Variants in FSAF1 observed in about 807,000 individuals in gnomAD.
FSAF1 encodes uncharacterized protein C1orf131.
chr1:231,226,948 A>G, the FSAF1 span: 1 of 1,613,318 alleles, frequency 6.2e-7, no homozygotes, highest in East Asian at 2.2e-5. Context: ...TTGTCTAGTG[A>G]TGAAAGGTAG....
At chr1:231,238,817 G>A in the FSAF1 span, 10 of 1,537,346 alleles carry the variant, frequency 6.5e-6, no homozygotes, top group Admixed American at 1.7e-5. Flanking sequence ...TACAATACCA[G>A]GGGGTTCACC....
At chr1:231,238,880 G>A in the FSAF1 span, 1 of 1,613,086 alleles carries the variant, frequency 6.2e-7, no homozygotes, top group South Asian at 1.1e-5. Flanking sequence ...TTATGATCTG[G>A]CGTCAATTTT....
chr1:231,227,543 G>A, the FSAF1 span, among the ~76,000 whole-genome samples: 1 of 151,654 alleles, frequency 6.6e-6, no homozygotes, highest in African/African-American at 2.4e-5. Flanking sequence ...CCAAAGTGCT[G>A]GGATTATAGG....
the FSAF1 span, among the ~76,000 whole-genome samples, chr1:231,235,302 T>G: frequency 5.9e-5 from 9 of 151,990 alleles, no homozygotes; most frequent in Non-Finnish European, 1.0e-4. Flanking sequence ...ATCGAGACCA[T>G]CCTGGCCAAC....
chr1:231,239,845 T>TAA, the FSAF1 span, among the ~76,000 whole-genome samples: 12 of 152,354 alleles, frequency 7.9e-5, no homozygotes, highest in East Asian at 5.8e-4. Flanking sequence ...AACTAAACTT[T>TAA]GGCATTAAGG....
At chr1:231,231,702 G>C in the FSAF1 span, among the ~76,000 whole-genome samples, 3 of 152,162 alleles carry the variant, frequency 2.0e-5, no homozygotes, top group East Asian at 5.8e-4. Flanking sequence ...CTGTATGATA[G>C]CTACTATGAG....
chr1:231,226,719 GGACA>G, the FSAF1 span: 1 of 1,572,454 alleles, frequency 6.4e-7, no homozygotes, highest in Non-Finnish European at 8.8e-7. Flanking sequence ...GTTGAATAAA[GGACA>G]GACCATCACA....
chr1:231,239,136 G>C, the FSAF1 span: 1 of 1,602,914 alleles, frequency 6.2e-7, no homozygotes, highest in Non-Finnish European at 8.5e-7. Flanking sequence ...CTCTCTTCTT[G>C]TTTTCCCTTT....
the FSAF1 span, among the ~76,000 whole-genome samples, chr1:231,228,410 C>G: frequency 4.9e-4 from 74 of 152,044 alleles, no homozygotes; most frequent in African/African-American, 1.6e-3. Flanking sequence ...ACCAGCTTGA[C>G]GACCATGGTG....
the FSAF1 span, among the ~76,000 whole-genome samples, chr1:231,240,141 A>G: frequency 6.6e-6 from 1 of 152,220 alleles, no homozygotes; most frequent in Non-Finnish European, 1.5e-5. The surrounding 1 kb of genome is among the most constrained non-coding windows in gnomAD (Gnocchi z 4.1). Context: ...ACTTGTTTCT[A>G]CATCTGCAAT....
At chr1:231,227,086 A>C in the FSAF1 span, 2 of 1,613,014 alleles carry the variant, frequency 1.2e-6, no homozygotes, top group Non-Finnish European at 8.5e-7. Context: ...CACAAAGCAT[A>C]ATCAGACGCA....
the FSAF1 span, chr1:231,237,864 T>G: frequency 6.6e-6 from 1 of 152,246 alleles, no homozygotes; most frequent in Non-Finnish European, 1.5e-5. Context: ...AAAGCCATTA[T>G]GATATTCTTG....
chr1:231,228,237 T>G, the FSAF1 span, among the ~76,000 whole-genome samples: 46,812 of 152,058 alleles, frequency 0.31, 7,355 homozygotes, highest in Admixed American at 0.39. Flanking sequence ...ATCCCCATAC[T>G]TACCATCGTA....
At chr1:231,234,530 G>C in the FSAF1 span, among the ~76,000 whole-genome samples, 3 of 152,280 alleles carry the variant, frequency 2.0e-5, no homozygotes, top group South Asian at 6.2e-4. The surrounding 1 kb of genome is among the most constrained non-coding windows in gnomAD (Gnocchi z 4.0). Context: ...CTGGACCACT[G>C]CAACAAACCC....
the FSAF1 span, chr1:231,240,874 T>C: frequency 4.2e-6 from 3 of 714,642 alleles, no homozygotes; most frequent in African/African-American, 1.8e-5. This position sits in a 1 kb window ranked among gnomAD's most constrained non-coding sequence, Gnocchi z 4.1. Flanking sequence ...TGGAGAAATG[T>C]GTTCGCTACT....
chr1:231,224,176 T>C, the FSAF1 span: 1 of 1,295,888 alleles, frequency 7.7e-7, no homozygotes, highest in South Asian at 1.7e-5. Flanking sequence ...AAAAGCAGTC[T>C]GTGAAATGCG....
the FSAF1 span, chr1:231,241,120 C>G: frequency 6.2e-7 from 1 of 1,613,084 alleles, no homozygotes; most frequent in Non-Finnish European, 8.5e-7. Context: ...ATTGTGGGGT[C>G]AGCCGAGGAA....
chr1:231,224,681 G>A, the FSAF1 span: 14 of 409,896 alleles, frequency 3.4e-5, no homozygotes, highest in Admixed American at 8.3e-5. Flanking sequence ...TCTCAGCTCC[G>A]ATGTCACCTC....
the FSAF1 span, chr1:231,239,052 C>T: frequency 6.2e-7 from 1 of 1,614,176 alleles, no homozygotes; most frequent in Non-Finnish European, 8.5e-7. Flanking sequence ...TCGAAGCGCT[C>T]TTCCTCTGGC....
Sources: allele counts gnomAD v4.1 joint callset (sites outside exome capture counted in the v4.1 genomes callset), GRCh38; gene constraint gnomAD v4.1.1; non-coding constraint Gnocchi (gnomAD v3.1); transcripts MANE v1.5; gene names NCBI Gene and HGNC (gene_info 2026-07-23, HGNC 2026-07-21).